Variants in UBE2H observed in about 807,000 individuals in gnomAD.
UBE2H encodes ubiquitin-conjugating enzyme E2 H.
UBE2H carries 3 observed loss-of-function variants against 29.0 expected under a neutral mutation model. That is an observed-to-expected ratio of 0.10 (90% CI 0.05 to 0.27). The LOEUF (loss-of-function observed/expected upper bound fraction) is 0.27. Among genes scored for constraint, UBE2H ranks in the 10% least tolerant of loss-of-function variants. The probability of loss-of-function intolerance (pLI) is 1.00; values close to 1 mark genes in which losing one functional copy is unlikely to be tolerated. For missense variants in UBE2H, 68 were observed against 228.2 expected, an observed-to-expected ratio of 0.30 and a Z score of 4.52; for synonymous variants, 69 against 82.9, an observed-to-expected ratio of 0.83 and a Z score of 0.91.
intron 1 of UBE2H, among the ~76,000 whole-genome samples, chr7:129,900,446 A>G (rs931157126): frequency 2.6e-5 from 4 of 152,194 alleles, no homozygotes; most frequent in Non-Finnish European, 5.9e-5. Context: ...GTATCTATAT[A>G]ACATTTGTAT....
intron 3 of UBE2H, among the ~76,000 whole-genome samples, chr7:129,872,434 G>C (rs1304304337): frequency 6.6e-6 from 1 of 152,116 alleles, no homozygotes; most frequent in African/African-American, 2.4e-5. Flanking sequence ...AATAGTGTGA[G>C]GTCATTTCTG....
intron 5 of UBE2H, among the ~76,000 whole-genome samples, chr7:129,855,483 T>C (rs927518424): frequency 6.6e-6 from 1 of 152,242 alleles, no homozygotes; most frequent in Non-Finnish European, 1.5e-5. Context: ...ATGTTCTTTC[T>C]TGTTGCCTCA....
intron 3 of UBE2H, among the ~76,000 whole-genome samples, chr7:129,861,417 C>T (rs963232159): frequency 6.6e-6 from 1 of 152,096 alleles, no homozygotes; most frequent in Non-Finnish European, 1.5e-5. Flanking sequence ...ATCACCACCT[C>T]ACCACACCTG....
intron 5 of UBE2H, among the ~76,000 whole-genome samples, chr7:129,852,986 A>G (rs764696347): frequency 4.6e-5 from 7 of 152,176 alleles, no homozygotes; most frequent in Non-Finnish European, 8.8e-5. Flanking sequence ...TTGTCCTCCC[A>G]AAGTGCTGGG....
chr7:129,915,627 T>C (rs1807028192), intron 1 of UBE2H, among the ~76,000 whole-genome samples: 2 of 152,222 alleles, frequency 1.3e-5, no homozygotes, highest in Non-Finnish European at 2.9e-5. Flanking sequence ...TCCCCACATA[T>C]GGTTTTCAGA....
At chr7:129,892,323 C>A (rs1806512520) in intron 1 of UBE2H, among the ~76,000 whole-genome samples, 2 of 151,762 alleles carry the variant, frequency 1.3e-5, no homozygotes, top group Non-Finnish European at 2.9e-5. Flanking sequence ...ACAATCTTGG[C>A]TCACTGAAAC....
At chr7:129,908,692 A>C (rs1422227530) in intron 1 of UBE2H, among the ~76,000 whole-genome samples, 2 of 152,260 alleles carry the variant, frequency 1.3e-5, no homozygotes. Flanking sequence ...GCATACTGCT[A>C]AATATGATAG....
chr7:129,888,109 T>C (rs1281922120), intron 1 of UBE2H, among the ~76,000 whole-genome samples: 2 of 152,002 alleles, frequency 1.3e-5, no homozygotes, highest in East Asian at 1.9e-4. Flanking sequence ...CAAGGAAAAA[T>C]GGTCATGTCC....
At chr7:129,906,852 C>T (rs1431075196) in intron 1 of UBE2H, among the ~76,000 whole-genome samples, 1 of 152,168 alleles carries the variant, frequency 6.6e-6, no homozygotes, top group East Asian at 1.9e-4. Context: ...ACTTTAAACG[C>T]TTAATCCGTG....
chr7:129,882,443 T>C (rs1454293549), intron 1 of UBE2H, among the ~76,000 whole-genome samples: 1 of 152,196 alleles, frequency 6.6e-6, no homozygotes, highest in African/African-American at 2.4e-5. Context: ...AATTAAATAT[T>C]TGGCACTCCA....
At chr7:129,870,229 T>C (rs561227380) in intron 3 of UBE2H, among the ~76,000 whole-genome samples, 1 of 152,262 alleles carries the variant, frequency 6.6e-6, no homozygotes, top group South Asian at 2.1e-4. Context: ...GCTCCTGCAA[T>C]TCTCTTCCCA....
At chr7:129,907,929 A>G (rs926472561) in intron 1 of UBE2H, among the ~76,000 whole-genome samples, 3 of 152,200 alleles carry the variant, frequency 2.0e-5, no homozygotes, top group Non-Finnish European at 4.4e-5. Context: ...CTGATTATAC[A>G]CATTTTTTCC....
chr7:129,951,452 A>G (rs1323032919), intron 1 of UBE2H: 1 of 151,790 alleles, frequency 6.6e-6, no homozygotes, highest in African/African-American at 2.4e-5. Context: ...AGCTGTTCAG[A>G]ACTCTGGGCT....
chr7:129,895,215 G>A (rs1248209460), intron 1 of UBE2H, among the ~76,000 whole-genome samples: 1 of 152,148 alleles, frequency 6.6e-6, no homozygotes, highest in Admixed American at 6.6e-5. Context: ...GTGGCATTTA[G>A]TTATGGCTGT....
At chr7:129,909,279 A>G (rs894482338) in intron 1 of UBE2H, among the ~76,000 whole-genome samples, 6 of 152,182 alleles carry the variant, frequency 3.9e-5, no homozygotes, top group African/African-American at 1.4e-4. Flanking sequence ...AATCACCAGG[A>G]GAGTGACATT....
At chr7:129,846,831 TCC>T (rs1471161835) in intron 5 of UBE2H, among the ~76,000 whole-genome samples, 2 of 151,986 alleles carry the variant, frequency 1.3e-5, no homozygotes, top group African/African-American at 2.4e-5. Context: ...ACTTACCCCA[TCC>T]CCTTTCTCCT....
chr7:129,908,517 A>G (rs1806864570), intron 1 of UBE2H, among the ~76,000 whole-genome samples: 1 of 152,226 alleles, frequency 6.6e-6, no homozygotes, highest in African/African-American at 2.4e-5. Context: ...TAACAACTTT[A>G]GTTTCAAAAA....
chr7:129,848,146 TCGGGAGGTGGAGGCTG>T (rs1805544042), intron 5 of UBE2H, among the ~76,000 whole-genome samples: 1 of 152,084 alleles, frequency 6.6e-6, no homozygotes, highest in Non-Finnish European at 1.5e-5. Context: ...CTGCTTGAAC[TCGGGAGGTGGAGGCTG>T]CGGTAAGCCA....
At position 129,906,691 on chromosome 7, in the gene UBE2H, TGAAAAA is replaced by T. The variant is rs561264032; in HGVS notation, c.54-25726_54-25721del. On this transcript the variant is annotated intron_variant, in intron 1 of 6. Coordinates refer to ENST00000355621, the MANE Select transcript of UBE2H (RefSeq NM_003344.4). ...AAAAATTTGCTTATAGTAAAGTTAC[TGAAAAA>T]GAAAAAGTTCTTTCAGAATACCGTA... Among the ~76,000 whole-genome samples, 24 of 152,288 alleles carry T rather than the reference TGAAAAA, an allele frequency of 1.6e-4. No individual in the cohort carries two copies. The South Asian group carries it at 4.4e-3, about 28-fold the overall frequency.
Sources: allele counts gnomAD v4.1 joint callset (sites outside exome capture counted in the v4.1 genomes callset), GRCh38; gene constraint gnomAD v4.1.1; transcripts MANE v1.5; gene names NCBI Gene and HGNC (gene_info 2026-07-23, HGNC 2026-07-21).